Variants in SREBF2 observed in about 807,000 individuals in gnomAD.
The protein encoded by SREBF2 is sterol regulatory element-binding protein 2.
SREBF2 carries 55 observed loss-of-function variants against 113.1 expected under a neutral mutation model. The ratio of observed to expected loss-of-function variants is 0.49; its 90% CI spans 0.39 to 0.61. SREBF2 has a LOEUF of 0.61. SREBF2 is among the 20% of genes least tolerant of loss of function. The pLI is 0.00. For missense variants in SREBF2, 1,349 were observed against 1,487.4 expected, an observed-to-expected ratio of 0.91 and a Z score of 1.53; for synonymous variants, 593 against 605.7, an observed-to-expected ratio of 0.98 and a Z score of 0.31.
intron 13 of SREBF2, 128 bp from the exon 14 acceptor site, chr22:41,896,924 C>T (rs1042579166): frequency 2.9e-6 from 2 of 687,438 alleles, no homozygotes; most frequent in Non-Finnish European, 2.6e-6. Flanking sequence ...CTTGCGTGTG[C>T]CTGGGATGAC....
chr22:41,876,776 C>G (rs946648732), intron 7 of SREBF2, among the ~76,000 whole-genome samples: 1 of 152,196 alleles, frequency 6.6e-6, no homozygotes, highest in Non-Finnish European at 1.5e-5. Flanking sequence ...GTAACTGTCA[C>G]TGTAATCAAG....
intron 1 of SREBF2, among the ~76,000 whole-genome samples, chr22:41,864,253 T>TACACACACAC (rs1231687095): frequency 2.4e-4 from 20 of 81,930 alleles, no homozygotes; most frequent in African/African-American, 8.6e-4. Context: ...TATATATATA[T>TACACACACAC]ATATATATAC....
At chr22:41,868,527 T>G in intron 2 of SREBF2, 84 bp from the exon 3 acceptor site, 1 of 1,459,732 alleles carries the variant, frequency 6.9e-7, no homozygotes, top group Non-Finnish European at 9.6e-7. Context: ...CATTATGAGA[T>G]ACTCCATCCT....
At chr22:41,846,652 C>T (rs760236092) in intron 1 of SREBF2, among the ~76,000 whole-genome samples, 3 of 152,252 alleles carry the variant, frequency 2.0e-5, no homozygotes, top group Non-Finnish European at 4.4e-5. Flanking sequence ...CCATTTTGCA[C>T]CGTGCTGTCT....
In SREBF2 at chr22:41,866,925, TAGCAGCAGCGGCAGCAGTGGC is replaced by T. The variant is rs771095016; in HGVS notation, c.193_213del (p.Gly65_Ser71del). 9 of 1,613,824 alleles carry T rather than the reference TAGCAGCAGCGGCAGCAGTGGC, an allele frequency of 5.6e-6. No individual in the cohort carries two copies. In the Admixed American group the frequency reaches 6.7e-5, roughly 12 times the overall value. ...CCTTTCCTGGCAGTGGTGGTAGTGG[TAGCAGCAGCGGCAGCAGTGGC>T]AGCAGCAGCAGCAGCAGCAATGGCA... On this transcript the variant is annotated inframe_deletion, in exon 2 of 19. Coordinates refer to ENST00000361204, the MANE Select transcript of SREBF2 (RefSeq NM_004599.4).
intron 9 of SREBF2, 119 bp downstream of exon 9, chr22:41,878,242 G>A: frequency 7.4e-7 from 1 of 1,347,386 alleles, no homozygotes; most frequent in Non-Finnish European, 1.0e-6. Context: ...GGACCCTGCT[G>A]CTGAATAGTC....
intron 1 of SREBF2, among the ~76,000 whole-genome samples, chr22:41,838,686 T>A (rs2076800894): frequency 6.6e-6 from 1 of 152,174 alleles, no homozygotes. Flanking sequence ...TGAACCCAGA[T>A]TGTGCCACTG....
In SREBF2 at chr22:41,844,959, T is replaced by C. The variant is rs567893696; in HGVS notation, c.88+11601T>C. On this transcript the variant is annotated intron_variant, in intron 1 of 18. Transcript: ENST00000361204. ...CCACCCCCCACCCCCACAAGAGTCC[T>C]GCTCTGTCGCCCAGGCTAGGGTGCA... Among the ~76,000 whole-genome samples, 4 of 115,344 alleles carry C rather than the reference T, an allele frequency of 3.5e-5. No individual in the cohort carries two copies. In the South Asian group the frequency reaches 1.3e-3, roughly 37 times the overall value. 75.7% of individuals were successfully genotyped at this position (115,344 alleles called of 152,430 possible).
At chr22:41,902,660 G>T (rs2077474658) in intron 16 of SREBF2, among the ~76,000 whole-genome samples, 1 of 152,144 alleles carries the variant, frequency 6.6e-6, no homozygotes. Context: ...AACCCACAAG[G>T]GTTTTATTTC....
At chr22:41,848,185 T>C (rs910752490) in intron 1 of SREBF2, among the ~76,000 whole-genome samples, 1 of 152,174 alleles carries the variant, frequency 6.6e-6, no homozygotes, top group Admixed American at 6.5e-5. Flanking sequence ...TGTGCAGTGC[T>C]GGTGCGCTGT....
At chr22:41,839,018 A>G (rs576628759) in intron 1 of SREBF2, among the ~76,000 whole-genome samples, 30 of 152,274 alleles carry the variant, frequency 2.0e-4, no homozygotes, top group Non-Finnish European at 3.4e-4. Context: ...AAAGCACCTC[A>G]AGTTCAGTCT....
At chr22:41,843,873 A>C (rs1179310152) in intron 1 of SREBF2, among the ~76,000 whole-genome samples, 2 of 151,686 alleles carry the variant, frequency 1.3e-5, no homozygotes, top group Non-Finnish European at 2.9e-5. Flanking sequence ...AAAATTAGCC[A>C]GGCTTGGTGG....
At chr22:41,873,267 A>AG (rs974382415) in intron 4 of SREBF2, among the ~76,000 whole-genome samples, 8 of 152,176 alleles carry the variant, frequency 5.3e-5, no homozygotes, top group African/African-American at 1.7e-4. Flanking sequence ...AAGAATAAAA[A>AG]GGGGAGACCT....
At chr22:41,838,590 G>A (rs1439541220) in intron 1 of SREBF2, among the ~76,000 whole-genome samples, 2 of 152,076 alleles carry the variant, frequency 1.3e-5, no homozygotes, top group African/African-American at 2.4e-5. Context: ...AAAATTAGCC[G>A]GGCATGATGG....
chr22:41,833,183 T>C lies in SREBF2; in HGVS notation c.-88T>C. 9.6e-7 allele frequency: 1 copy of C among 1,042,670 alleles called. No homozygotes were observed. The highest frequency in any genetic ancestry group is 1.3e-6 in the Non-Finnish European group (1 of 750,850). 64.6% of individuals were successfully genotyped at this position (1,042,670 alleles called of 1,614,324 possible). ...CGGTGAGGCGGTGCCGGGCGGGGGT[T>C]GTCGGGTGTCATGGGCGGTGGCGAC... On this transcript the variant is annotated 5_prime_UTR_variant, in exon 1 of 19. Coordinates refer to ENST00000361204, the MANE Select transcript of SREBF2 (RefSeq NM_004599.4). The surrounding 1 kb of genome is among the most constrained non-coding windows in gnomAD (Gnocchi z 4.1).
chr22:41,864,228 A>G (rs1315597516), intron 1 of SREBF2, among the ~76,000 whole-genome samples: 1 of 53,862 alleles, frequency 1.9e-5, no homozygotes, highest in Non-Finnish European at 3.7e-5. Context: ...GCAAGCATAT[A>G]TATATATATA....
Position 41,905,684 on chromosome 22 carries a change from C to T in SREBF2, c.*24C>T, listed in dbSNP as rs773795908. Reference sequence around the variant, plus strand: ...GACCACCAGGCTCAGCCCACCCCTCCACCTCTCTCTCGATTTCTCTCTCTC... The same window carrying T: ...GACCACCAGGCTCAGCCCACCCCTCTACCTCTCTCTCGATTTCTCTCTCTC... On this transcript the variant is annotated 3_prime_UTR_variant, in exon 19 of 19. Transcript: ENST00000361204. The T allele has an allele frequency of 1.3e-6, 2 of 1,551,800 alleles. No homozygotes were observed. Among genetic ancestry groups the T allele is most frequent in the Non-Finnish European group, 8.7e-7 (1 of 1,146,180 alleles).
At chr22:41,898,905 C>T (rs977903252) in intron 15 of SREBF2, 124 bp downstream of exon 15, 20 of 1,428,722 alleles carry the variant, frequency 1.4e-5, no homozygotes, top group Middle Eastern at 2.2e-4. Flanking sequence ...GACAGGTGGG[C>T]GGCTAGAAAA....
chr22:41,899,656 C>T (rs2077447703), intron 15 of SREBF2: 1 of 808,096 alleles, frequency 1.2e-6, no homozygotes, highest in Non-Finnish European at 1.5e-6. Flanking sequence ...TAGGTAAGCA[C>T]CCAGCCCGGT....
Sources: allele counts gnomAD v4.1 joint callset (sites outside exome capture counted in the v4.1 genomes callset), GRCh38; gene constraint gnomAD v4.1.1; non-coding constraint Gnocchi (gnomAD v3.1); transcripts MANE v1.5; gene names NCBI Gene and HGNC (gene_info 2026-07-23, HGNC 2026-07-21).